The following MYO19 variants were observed in gnomAD, a reference collection of about 807,000 sequenced individuals.
MYO19 encodes myosin XIX.
In MYO19, 132 loss-of-function variants were observed where a neutral mutation model predicts 129.2. The ratio of observed to expected loss-of-function variants is 1.02; its 90% CI spans 0.89 to 1.18. MYO19 has a LOEUF of 1.18. Among genes scored for constraint, MYO19 ranks in the 50% most tolerant of loss-of-function variants. The pLI is 0.00. For missense variants in MYO19, 1,210 were observed against 1,216.7 expected, an observed-to-expected ratio of 0.99 and a Z score of 0.08; for synonymous variants, 531 against 477.2, an observed-to-expected ratio of 1.11 and a Z score of -1.47.
At chr17:36,514,620 GCCAGATTGCCTGCTA>G (rs2072612989) in intron 8 of MYO19, 72 bp from the exon 9 acceptor site, 1 of 1,013,992 alleles carries the variant, frequency 9.9e-7, no homozygotes, top group African/African-American at 1.6e-5. Flanking sequence ...ATCTGGGTGT[GCCAGATTGCCTGCTA>G]CCTGGCAACT....
At position 36,527,639 on chromosome 17, in the gene MYO19, G is replaced by A; in HGVS notation, c.212C>T (p.Thr71Ile). The A allele has an allele frequency of 1.2e-6, 2 of 1,613,982 alleles. No individual in the cohort carries two copies. The highest frequency in any genetic ancestry group is 8.5e-7 in the Non-Finnish European group (1 of 1,179,872). The change falls in exon 5 of 26, where the codon ACC (threonine) becomes ATC (isoleucine). Residue 71 changes from threonine to isoleucine, a missense_variant. Transcript: ENST00000614623. Reference sequence around the variant, plus strand: ...CTTGAAGGGGTTCAAGGCTACCAGGGTGCAGCCAGCATTGGTGTAGAATGT... The same window carrying A: ...CTTGAAGGGGTTCAAGGCTACCAGGATGCAGCCAGCATTGGTGTAGAATGT... Reference protein sequence around the residue: ...ADTFYTNAGCTLVALNPFKPV... With the variant: ...ADTFYTNAGCILVALNPFKPV...
rs748449082 is a variant in MYO19, at chr17:36,527,537, C to T, written c.300+14G>A. ...AGAGGAGCCCTGAGGCCACAGGCAGCGGCAGAGCCTTACCTGGGGCTGAGG... is the reference window on the plus strand; with the variant it reads ...AGAGGAGCCCTGAGGCCACAGGCAGTGGCAGAGCCTTACCTGGGGCTGAGG... On this transcript the variant is annotated intron_variant, in intron 5 of 25. Coordinates refer to ENST00000614623, the MANE Select transcript of MYO19 (RefSeq NM_001163735.2). 18 of 1,610,366 alleles carry T rather than the reference C, an allele frequency of 1.1e-5. No homozygotes were observed. Among genetic ancestry groups the T allele is most frequent in the South Asian group, 1.1e-4 (10 of 90,558 alleles).
chr17:36,513,242 C>G (rs1428159062), intron 11 of MYO19, 187 bp downstream of exon 11: 1 of 1,457,930 alleles, frequency 6.9e-7, no homozygotes, highest in African/African-American at 1.4e-5. Context: ...CCTTATGCCC[C>G]GTCCACCCCA....
intron 23 of MYO19, chr17:36,499,547 G>A (rs1034291725): frequency 1.2e-5 from 2 of 166,646 alleles, no homozygotes; most frequent in Admixed American, 5.8e-5. Flanking sequence ...GAATTTGTTC[G>A]CTTTATGCAT....
chr17:36,495,707 G>C lies in MYO19; in HGVS notation c.*544C>G. On this transcript the variant is annotated 3_prime_UTR_variant, in exon 26 of 26. Transcript: ENST00000614623. ...ACGATATCAAGCTTACACTTCATAT[G>C]GAGTTAAACTTGGTCAGTGTTAATA... 8.0e-7 allele frequency: 1 copy of C among 1,254,682 alleles called. No homozygotes were observed. Among genetic ancestry groups the C allele is most frequent in the Non-Finnish European group, 1.0e-6 (1 of 1,001,558 alleles). The allele number at this position is 1,254,682 out of a possible 1,614,324, so 77.7% of individuals were successfully genotyped here. A position where few individuals can be genotyped will look rare whatever the true frequency, so the allele number is the denominator to read the frequency against.
chr17:36,513,085 G>C (rs1392425041), intron 11 of MYO19: 26 of 1,306,978 alleles, frequency 2.0e-5, no homozygotes, highest in Admixed American at 7.0e-5. Flanking sequence ...GAGCAGAGAA[G>C]TGTGAACATG....
intron 3 of MYO19, among the ~76,000 whole-genome samples, chr17:36,532,116 CTT>C (rs2073869097): frequency 1.3e-5 from 2 of 152,192 alleles, no homozygotes; most frequent in African/African-American, 4.8e-5. Context: ...AGGCTGACCT[CTT>C]TGCCTGGAGT....
At position 36,503,048 on chromosome 17, in the gene MYO19, C is replaced by T. The variant is rs182281987; in HGVS notation, c.2080+49G>A. 1.5e-5 allele frequency: 22 copies of T among 1,469,206 alleles called. No individual in the cohort carries two copies. In the Admixed American group the frequency reaches 3.0e-4, roughly 20 times the overall value. The allele number at this position is 1,469,206 out of a possible 1,614,324, so 91.0% of individuals were successfully genotyped here. A position where few individuals can be genotyped will look rare whatever the true frequency, so the allele number is the denominator to read the frequency against. On this transcript the variant is annotated intron_variant, in intron 21 of 25. Coordinates refer to ENST00000614623, the MANE Select transcript of MYO19 (RefSeq NM_001163735.2). ...CCTAAGACAGGGCACAGGGTAGATG[C>T]TCAGTAAACTGTGGTTGCACAAATG...
chr17:36,522,365 G>A (rs59380312), intron 6 of MYO19, among the ~76,000 whole-genome samples: 3,154 of 151,568 alleles, frequency 0.021, 111 homozygotes, highest in African/African-American at 0.072. Flanking sequence ...AAAATTAGCC[G>A]GGCCTGGTGG....
At chr17:36,503,357 AAGCGATTTCT>A (rs1258664076) in intron 20 of MYO19, among the ~76,000 whole-genome samples, 157 bp from the exon 21 acceptor site, 1 of 152,154 alleles carries the variant, frequency 6.6e-6, no homozygotes, top group Non-Finnish European at 1.5e-5. Flanking sequence ...TGTGGTTTTG[AAGCGATTTCT>A]AGGATCACTT....
In MYO19 at chr17:36,507,015, T is replaced by C. The variant is rs758883194; in HGVS notation, c.1592A>G (p.His531Arg). 1.1e-5 allele frequency: 17 copies of C among 1,613,376 alleles called. No homozygotes were observed. In the East Asian group the frequency reaches 2.0e-4, roughly 19 times the overall value. ...GTGGTACCGCACAGGCCCCGCATAA[T>C]GCACCACAATGAAGCTGGGCTCCCG... ...LSREPSFIVV[H>R]YAGPVRYHTA... The change falls in exon 17 of 26, where the codon CAT becomes CGT. Residue 531 changes from histidine to arginine, a missense_variant. Physicochemically the swap from His to Arg is conservative, Grantham distance 29. Coordinates refer to ENST00000614623, the MANE Select transcript of MYO19 (RefSeq NM_001163735.2).
chr17:36,525,217 C>CGTCT lies in MYO19; in HGVS notation c.414+7_414+10dup. ...TCGTGAGTTGACAGGATGGGAAAGA[C>CGTCT]GTCTTCCTACCTTTCCAGCACCACT... On this transcript the variant is annotated intron_variant, in intron 6 of 25. Transcript: ENST00000614623. The CGTCT allele has an allele frequency of 1.3e-6, 2 of 1,597,410 alleles. No individual in the cohort carries two copies. The highest frequency in any genetic ancestry group is 2.7e-5 in the African/African-American group (2 of 74,712).
At chr17:36,524,852 G>A (rs954642521) in intron 6 of MYO19, among the ~76,000 whole-genome samples, 1 of 152,202 alleles carries the variant, frequency 6.6e-6, no homozygotes, top group African/African-American at 2.4e-5. Flanking sequence ...AGAACTGAGA[G>A]CTTTGCAGAA....
chr17:36,537,257 C>T, upstream of MYO19: 2 of 1,614,030 alleles, frequency 1.2e-6, no homozygotes, highest in South Asian at 1.1e-5. Context: ...TTTCACCTAC[C>T]TGGAAAACTA....
At position 36,532,382 on chromosome 17, in the gene MYO19, T is replaced by C. The variant is rs997533898; in HGVS notation, c.12+145A>G. The stretch of plus-strand genomic sequence containing the variant: ...CAAATTAGGTATCAGGAAGAGTTTC[T>C]TGATGATGAGTAAAAGGCACTGGAG... On this transcript the variant is annotated intron_variant, in intron 3 of 25. Coordinates refer to ENST00000614623, the MANE Select transcript of MYO19 (RefSeq NM_001163735.2). 12 of 943,834 alleles carry C rather than the reference T, an allele frequency of 1.3e-5. No homozygotes were observed. The African/African-American group carries it at 1.5e-4, about 12-fold the overall frequency. The allele number at this position is 943,834 out of a possible 1,614,324, so 58.5% of individuals were successfully genotyped here. A position where few individuals can be genotyped will look rare whatever the true frequency, so the allele number is the denominator to read the frequency against.
At chr17:36,528,325 G>A (rs1481570962) in intron 3 of MYO19, 123 bp from the exon 4 acceptor site, 24 of 997,314 alleles carry the variant, frequency 2.4e-5, no homozygotes, top group South Asian at 3.6e-5. Flanking sequence ...TGGTTAACAC[G>A]GTGAAACCCC....
intron 3 of MYO19, among the ~76,000 whole-genome samples, chr17:36,529,401 G>A (rs1381831566): frequency 6.6e-6 from 1 of 152,238 alleles, no homozygotes; most frequent in East Asian, 1.9e-4. Context: ...TGGGGATGCA[G>A]GAAAGACAGA....
At chr17:36,539,025 G>A (rs2074180460), upstream of MYO19, 1 of 172,618 alleles carries the variant, frequency 5.8e-6, no homozygotes, top group Admixed American at 6.3e-5. Flanking sequence ...AAAGTGCTGG[G>A]ATTACAGGTG....
In MYO19 at chr17:36,505,348, G is replaced by C. The variant is rs200639626; in HGVS notation, c.1854C>G (p.Arg618=). 5.6e-6 allele frequency: 9 copies of C among 1,614,148 alleles called. No homozygotes were observed. The highest frequency in any genetic ancestry group is 7.6e-6 in the Non-Finnish European group (9 of 1,180,056). ...VLHSTTPHYI[R]CIKPNSQGQA... is the part of the protein sequence containing the mutation. ...GGCCCTGGCTGTTGGGCTTGATGCA[G>C]CGAATGTAGTGGGGCGTGGTGCTGT... Residue 618 remains arginine (R), a synonymous_variant, in exon 19 of 26, where the codon CGC becomes CGG. Transcript: ENST00000614623.
Sources: allele counts gnomAD v4.1 joint callset (sites outside exome capture counted in the v4.1 genomes callset), GRCh38; gene constraint gnomAD v4.1.1; transcripts MANE v1.5; gene names NCBI Gene and HGNC (gene_info 2026-07-23, HGNC 2026-07-21).